Variants in CAMTA1 observed in about 807,000 individuals in gnomAD.
The protein encoded by CAMTA1 is calmodulin-binding transcription activator 1.
Under a neutral mutation model 170.9 loss-of-function variants are expected in CAMTA1, and 27 were observed. The observed-to-expected ratio is 0.16, with a 90% CI of 0.12 to 0.22. The LOEUF is 0.22. CAMTA1 is among the 10% of genes least tolerant of loss of function. The pLI, the probability that CAMTA1 is intolerant of heterozygous loss-of-function variation, is 1.00. For synonymous variants in CAMTA1, 833 were observed against 891.5 expected (o/e 0.93, Z 1.17); for missense variants, 1,619 against 2,217.2 (o/e 0.73, Z 5.42).
At chr1:7,422,945 G>A in intron 5 of CAMTA1, among the ~76,000 whole-genome samples, 1 of 152,248 alleles carries the variant, frequency 6.6e-6, no homozygotes, top group East Asian at 1.9e-4. Flanking sequence ...ACCTTTCCCA[G>A]GTTGCCCTGC....
At chr1:7,057,733 C>T (rs917845620) in intron 3 of CAMTA1, among the ~76,000 whole-genome samples, 4 of 152,232 alleles carry the variant, frequency 2.6e-5, no homozygotes, top group African/African-American at 9.6e-5. Context: ...GGTTGAAATA[C>T]AGATGAGGTT....
intron 11 of CAMTA1, among the ~76,000 whole-genome samples, chr1:7,706,404 T>G (rs999681468): frequency 1.7e-4 from 26 of 152,344 alleles, no homozygotes; most frequent in Admixed American, 1.4e-3. Context: ...ACAAGGAGTC[T>G]TTTTCTCTTA....
At chr1:7,037,232 A>G (rs1391227418) in intron 3 of CAMTA1, among the ~76,000 whole-genome samples, 47 of 152,218 alleles carry the variant, frequency 3.1e-4, no homozygotes, top group Non-Finnish European at 1.5e-5. Context: ...GATTGCATGA[A>G]TGCTTCTGGG....
chr1:6,967,848 A>AT (rs1183339359), intron 3 of CAMTA1, among the ~76,000 whole-genome samples: 1 of 151,912 alleles, frequency 6.6e-6, no homozygotes, highest in Non-Finnish European at 1.5e-5. Context: ...AGAATGTCCT[A>AT]TTTTTTCTCT....
intron 5 of CAMTA1, among the ~76,000 whole-genome samples, chr1:7,309,534 C>T (rs1422453676): frequency 1.3e-5 from 2 of 151,568 alleles, no homozygotes; most frequent in South Asian, 2.1e-4. Context: ...CTCCTGACCT[C>T]GTGATCCGCC....
chr1:7,492,864 AAC>A (rs200231826), intron 6 of CAMTA1, among the ~76,000 whole-genome samples: 2,674 of 131,010 alleles, frequency 0.02, 96 homozygotes, highest in Non-Finnish European at 0.03. Context: ...CAAACCTACA[AAC>A]ACACGCGCAC....
rs1326678548 is a variant in CAMTA1 at position 7,299,736 on chromosome 1, G to A, written c.438+50110G>A. ...TGTGGGTGAGAGGGTACAAGGAGGTGTTCCAACCCCTCACTGAGACAGGAT... is the reference window on the plus strand; with the variant it reads ...TGTGGGTGAGAGGGTACAAGGAGGTATTCCAACCCCTCACTGAGACAGGAT... On this transcript the variant is annotated intron_variant, in intron 5 of 22. Coordinates refer to ENST00000303635, the MANE Select transcript of CAMTA1 (RefSeq NM_015215.4). The surrounding 1 kb of genome is among the most constrained non-coding windows in gnomAD (Gnocchi z 4.7). Among the ~76,000 whole-genome samples, 1 of 152,202 alleles carries A rather than the reference G, an allele frequency of 6.6e-6. No homozygotes were observed. The highest frequency in any genetic ancestry group is 2.4e-5 in the African/African-American group (1 of 41,446).
At chr1:7,379,390 A>G (rs1016240021) in intron 5 of CAMTA1, among the ~76,000 whole-genome samples, 2 of 152,196 alleles carry the variant, frequency 1.3e-5, no homozygotes, top group African/African-American at 2.4e-5. Context: ...CACCTTTAAC[A>G]TTCAAGTTAT....
At chr1:7,319,660 A>ATCAT (rs1678068080) in intron 5 of CAMTA1, among the ~76,000 whole-genome samples, 1 of 152,166 alleles carries the variant, frequency 6.6e-6, no homozygotes, top group Admixed American at 6.5e-5. Context: ...TCAGGATATA[A>ATCAT]TCATTCATTC....
chr1:7,236,576 G>T (rs1663911916), intron 4 of CAMTA1, among the ~76,000 whole-genome samples: 1 of 152,222 alleles, frequency 6.6e-6, no homozygotes, highest in Non-Finnish European at 1.5e-5. Flanking sequence ...CGTTGGGGAA[G>T]TTACTTCACT....
At chr1:6,858,489 G>GGGT (rs1483878243) in intron 3 of CAMTA1, among the ~76,000 whole-genome samples, 1 of 146,408 alleles carries the variant, frequency 6.8e-6, no homozygotes, top group Non-Finnish European at 1.5e-5. Context: ...TGTGTGTTGG[G>GGGT]GGGGGGGTGT....
intron 3 of CAMTA1, among the ~76,000 whole-genome samples, chr1:6,990,240 C>A (rs553949836): frequency 7.2e-5 from 11 of 152,166 alleles, no homozygotes; most frequent in Non-Finnish European, 1.3e-4. Context: ...CTGTTAAATG[C>A]AAACTATAAA....
chr1:7,421,428 A>G (rs1023757134), intron 5 of CAMTA1, among the ~76,000 whole-genome samples: 2 of 152,192 alleles, frequency 1.3e-5, no homozygotes, highest in African/African-American at 2.4e-5. Context: ...CACTGGGATT[A>G]TAGGTGTGAG....
At chr1:7,022,708 G>A (rs1312928877) in intron 3 of CAMTA1, among the ~76,000 whole-genome samples, 3 of 152,156 alleles carry the variant, frequency 2.0e-5, no homozygotes, top group Non-Finnish European at 4.4e-5. Context: ...GGCTTAACGT[G>A]TTCTTGGAGA....
At position 6,896,465 on chromosome 1, in the gene CAMTA1, G is replaced by A. The variant is rs1476553838; in HGVS notation, c.234+71255G>A. On this transcript the variant is annotated intron_variant, in intron 3 of 22. Transcript: ENST00000303635. The stretch of plus-strand genomic sequence containing the variant: ...GATTTCTCCTGTGGCGTGTCTGGCC[G>A]GGATGCTTTCTGTGTTGAATGTTCA... 7.9e-5 allele frequency among the ~76,000 whole-genome samples: 12 copies of A among 152,252 alleles called. No homozygotes were observed. The South Asian group carries it at 2.1e-3, about 26-fold the overall frequency.
At chr1:7,241,050 A>C (rs534708165) in intron 4 of CAMTA1, among the ~76,000 whole-genome samples, 1 of 152,320 alleles carries the variant, frequency 6.6e-6, no homozygotes, top group East Asian at 1.9e-4. Context: ...ATCCTAAAGA[A>C]TCTACAAAAA....
intron 3 of CAMTA1, among the ~76,000 whole-genome samples, chr1:6,928,419 G>T (rs1240444429): frequency 6.6e-6 from 1 of 152,190 alleles, no homozygotes; most frequent in African/African-American, 2.4e-5. Context: ...TTCAGCAGGT[G>T]CTTACGTCTT....
intron 4 of CAMTA1, among the ~76,000 whole-genome samples, chr1:7,191,025 T>A (rs1330169087): frequency 6.6e-6 from 1 of 152,224 alleles, no homozygotes; most frequent in Non-Finnish European, 1.5e-5. Flanking sequence ...ATTTATTTAT[T>A]TTTTTACATA....
Position 7,041,397 on chromosome 1 carries a change from A to T in CAMTA1, c.235-49907A>T, listed in dbSNP as rs1258065666. Among the ~76,000 whole-genome samples the T allele has an allele frequency of 1.3e-5, 2 of 152,242 alleles. No individual in the cohort carries two copies. Among genetic ancestry groups the T allele is most frequent in the Non-Finnish European group, 2.9e-5 (2 of 68,044 alleles). The stretch of plus-strand genomic sequence containing the variant: ...TGTTTGAAACACACACACACAACAG[A>T]ACATAAATCAGAGGCAGAATCTTTT... On this transcript the variant is annotated intron_variant, in intron 3 of 22. Transcript: ENST00000303635. The surrounding 1 kb of genome is among the most constrained non-coding windows in gnomAD (Gnocchi z 5.1).
Sources: allele counts gnomAD v4.1 joint callset (sites outside exome capture counted in the v4.1 genomes callset), GRCh38; gene constraint gnomAD v4.1.1; non-coding constraint Gnocchi (gnomAD v3.1); transcripts MANE v1.5; gene names NCBI Gene and HGNC (gene_info 2026-07-23, HGNC 2026-07-21).